Variants in SLC17A1 observed in about 807,000 individuals in gnomAD.
SLC17A1 encodes the protein sodium-dependent phosphate transport protein 1.
In SLC17A1, 51 loss-of-function variants were observed where a neutral mutation model predicts 53.5. The observed-to-expected ratio is 0.95, with a 90% CI of 0.76 to 1.20. The LOEUF (loss-of-function observed/expected upper bound fraction) is 1.20. Ranked by LOEUF, SLC17A1 falls within the 50% of genes most tolerant of loss-of-function variation. SLC17A1 has a pLI of 0.00. For synonymous variants in SLC17A1, 179 were observed against 198.8 expected (o/e 0.90, Z 0.84); for missense variants, 538 against 568.2 (o/e 0.95, Z 0.54).
chr6:25,757,768 G>T, the SLC17A1 span, among the ~76,000 whole-genome samples: 1 of 152,108 alleles, frequency 6.6e-6, no homozygotes, highest in African/African-American at 2.4e-5. Flanking sequence ...TCTCTGGGTT[G>T]GATGAATGTT....
chr6:25,759,245 T>C, the SLC17A1 span, among the ~76,000 whole-genome samples: 47,472 of 151,850 alleles, frequency 0.31, 8,290 homozygotes, highest in East Asian at 0.75. Context: ...GAATGTCCCA[T>C]GTGCTGATGA....
intron 12 of SLC17A1, among the ~76,000 whole-genome samples, chr6:25,788,990 G>A (rs1763444007): frequency 6.6e-6 from 1 of 152,148 alleles, no homozygotes; most frequent in Non-Finnish European, 1.5e-5. Flanking sequence ...TAGGTAGGTA[G>A]GTAGGTAGAT....
intron 10 of SLC17A1, among the ~76,000 whole-genome samples, chr6:25,807,338 T>C (rs931579066): frequency 1.3e-5 from 2 of 152,144 alleles, no homozygotes; most frequent in African/African-American, 2.4e-5. Flanking sequence ...ATATACACAA[T>C]TGAATACCAC....
At chr6:25,740,158 G>T in the SLC17A1 span, among the ~76,000 whole-genome samples, 5 of 152,148 alleles carry the variant, frequency 3.3e-5, no homozygotes, top group African/African-American at 9.7e-5. Context: ...GCCAGAGCTG[G>T]AGAAATCTGG....
chr6:25,802,726 G>A (rs1031267191), intron 10 of SLC17A1, among the ~76,000 whole-genome samples: 1 of 151,826 alleles, frequency 6.6e-6, no homozygotes, highest in African/African-American at 2.4e-5. Context: ...GAAGGCAGAT[G>A]TCAATTCTAT....
chr6:25,815,060 C>T (rs916602003), intron 6 of SLC17A1, among the ~76,000 whole-genome samples: 3 of 140,884 alleles, frequency 2.1e-5, no homozygotes, highest in African/African-American at 5.3e-5. Flanking sequence ...AACTGTAGGA[C>T]AATTATAAAA....
At chr6:25,740,720 G>T in the SLC17A1 span, among the ~76,000 whole-genome samples, 2 of 152,080 alleles carry the variant, frequency 1.3e-5, no homozygotes, top group African/African-American at 4.8e-5. Flanking sequence ...TAAAATATCT[G>T]CACTTCCATA....
At chr6:25,823,125 T>A (rs891691403) in intron 3 of SLC17A1, among the ~76,000 whole-genome samples, 2 of 152,208 alleles carry the variant, frequency 1.3e-5, no homozygotes, top group Non-Finnish European at 2.9e-5. Flanking sequence ...TTGTTCTTTG[T>A]GTCAGTAGTT....
At chr6:25,734,191 G>A in the SLC17A1 span, among the ~76,000 whole-genome samples, 1 of 151,996 alleles carries the variant, frequency 6.6e-6, no homozygotes, top group African/African-American at 2.4e-5. Flanking sequence ...AAATATAAGA[G>A]CTATTTGTTG....
chr6:25,753,377 C>T, the SLC17A1 span, among the ~76,000 whole-genome samples: 1 of 152,058 alleles, frequency 6.6e-6, no homozygotes, highest in Non-Finnish European at 1.5e-5. Context: ...TCTCTTTTCT[C>T]CTAGGTTCTC....
chr6:25,808,514 TA>T (rs1764037079), intron 10 of SLC17A1, among the ~76,000 whole-genome samples: 1 of 151,694 alleles, frequency 6.6e-6, no homozygotes, highest in Non-Finnish European at 1.5e-5. Flanking sequence ...GAATTTTTTT[TA>T]AAAAAATTCA....
In SLC17A1 at chr6:25,813,116, G is replaced by C; in HGVS notation, c.714C>G (p.Ile238Met). 1 of 1,614,050 alleles carries C rather than the reference G, an allele frequency of 6.2e-7. No individual in the cohort carries two copies. The highest frequency in any genetic ancestry group is 8.5e-7 in the Non-Finnish European group (1 of 1,179,908). ...CTACCTGCTGGACCAGGGAGGATGT[G>C]ATGTATTCCTTTTCACTGATGCTTA... is the stretch of plus-strand genomic sequence containing the variant. ...PCISISEKEY[I>M]TSSLVQQVSS... The change falls in exon 7 of 13, where the codon ATC becomes ATG. Residue 238 changes from isoleucine (I) to methionine (M), a missense_variant. Coordinates refer to ENST00000244527, the MANE Select transcript of SLC17A1 (RefSeq NM_005074.5).
chr6:25,727,690 A>G, the SLC17A1 span, among the ~76,000 whole-genome samples: 7 of 151,970 alleles, frequency 4.6e-5, no homozygotes, highest in Non-Finnish European at 8.8e-5. Context: ...AATATATCCA[A>G]ATCAGCTGTG....
intron 6 of SLC17A1, among the ~76,000 whole-genome samples, chr6:25,815,095 A>C (rs1764299493): frequency 6.6e-6 from 1 of 151,978 alleles, no homozygotes; most frequent in Non-Finnish European, 1.5e-5. Context: ...GTAATAAAAA[A>C]AATCACAAGG....
At chr6:25,769,252 A>G in the SLC17A1 span, 1 of 1,442,836 alleles carries the variant, frequency 6.9e-7, no homozygotes, top group South Asian at 1.2e-5. Context: ...AAAGAGTTAT[A>G]AAAGAGTGAG....
At chr6:25,819,303 TC>T (rs957339200) in intron 5 of SLC17A1, 149 bp from the exon 6 acceptor site, 134 of 691,686 alleles carry the variant, frequency 1.9e-4, no homozygotes, top group Non-Finnish European at 2.3e-4. Flanking sequence ...AAAAATATTT[TC>T]TTTTCTCTCT....
At chr6:25,756,947 C>T in the SLC17A1 span, among the ~76,000 whole-genome samples, 1 of 152,304 alleles carries the variant, frequency 6.6e-6, no homozygotes, top group East Asian at 1.9e-4. Flanking sequence ...CAACTAATTG[C>T]CCTGAGGTGT....
chr6:25,769,518 A>C, the SLC17A1 span, among the ~76,000 whole-genome samples: 1 of 151,858 alleles, frequency 6.6e-6, no homozygotes, highest in African/African-American at 2.4e-5. Flanking sequence ...AGATCGTGCC[A>C]CTGCACTCCG....
chr6:25,773,130 C>CTG, the SLC17A1 span: 7 of 703,882 alleles, frequency 9.9e-6, no homozygotes, highest in African/African-American at 5.3e-5. Flanking sequence ...GTACCCTCCC[C>CTG]CATGATAGGG....
Sources: allele counts gnomAD v4.1 joint callset (sites outside exome capture counted in the v4.1 genomes callset), GRCh38; gene constraint gnomAD v4.1.1; transcripts MANE v1.5; gene names NCBI Gene and HGNC (gene_info 2026-07-23, HGNC 2026-07-21).